Variants in DOCK3 observed in about 807,000 individuals in gnomAD.
DOCK3 encodes dedicator of cytokinesis protein 3.
In DOCK3, 60 loss-of-function variants were observed where a neutral mutation model predicts 265.6. That is an observed-to-expected ratio of 0.23 (90% CI 0.18 to 0.28). The LOEUF (loss-of-function observed/expected upper bound fraction) is 0.28. Among genes scored for constraint, DOCK3 ranks in the 10% least tolerant of loss-of-function variants. DOCK3 has a pLI of 1.00. For synonymous variants in DOCK3, 881 were observed against 938.0 expected (o/e 0.94, Z 1.11); for missense variants, 1,981 against 2,594.3 (o/e 0.76, Z 5.14).
At chr3:50,920,706 T>A (rs1429305999) in intron 4 of DOCK3, among the ~76,000 whole-genome samples, 1 of 152,180 alleles carries the variant, frequency 6.6e-6, no homozygotes, top group African/African-American at 2.4e-5. Context: ...CCAGCTCCTG[T>A]ATTTATTGAT....
intron 2 of DOCK3, among the ~76,000 whole-genome samples, chr3:50,809,948 T>G (rs1237326731): frequency 2.6e-5 from 4 of 152,084 alleles, no homozygotes; most frequent in Non-Finnish European, 5.9e-5. Context: ...GAGAACAACC[T>G]GGGTAACATA....
At chr3:50,909,640 C>T (rs1297222616) in intron 4 of DOCK3, among the ~76,000 whole-genome samples, 3 of 121,528 alleles carry the variant, frequency 2.5e-5, no homozygotes, top group South Asian at 2.6e-4. Flanking sequence ...CTACCCTTAA[C>T]GTTTTTTTTT....
At chr3:51,126,253 G>T (rs1443577103) in intron 9 of DOCK3, among the ~76,000 whole-genome samples, 1 of 152,200 alleles carries the variant, frequency 6.6e-6, no homozygotes, top group Non-Finnish European at 1.5e-5. Flanking sequence ...CTCTTGGGAA[G>T]TCGCAAAGGG....
chr3:51,381,729 TAC>T lies in DOCK3; in HGVS notation c.*172_*173del. ...TGCCGTGAACTCATGTGTTGCCATG[TAC>T]AGAGGCCACAGCAGCATGAAGGGTT... is the stretch of plus-strand genomic sequence containing the variant. On this transcript the variant is annotated 3_prime_UTR_variant, in exon 53 of 53. Transcript: ENST00000266037. The surrounding 1 kb of genome is among the most constrained non-coding windows in gnomAD (Gnocchi z 5.6). 2 of 848,624 alleles carry T rather than the reference TAC, an allele frequency of 2.4e-6. No individual in the cohort carries two copies. The highest frequency in any genetic ancestry group is 3.4e-6 in the Non-Finnish European group (2 of 584,968). The allele number at this position is 848,624 out of a possible 1,614,324, so 52.6% of individuals were successfully genotyped here.
chr3:50,986,231 G>C (rs551039410), intron 5 of DOCK3, among the ~76,000 whole-genome samples: 38 of 152,138 alleles, frequency 2.5e-4, no homozygotes, highest in Non-Finnish European at 4.3e-4. Context: ...TGGTGGAAGA[G>C]GTAGATGAAT....
At chr3:51,297,801 T>TTTAA (rs2082174909) in intron 27 of DOCK3, among the ~76,000 whole-genome samples, 1 of 151,042 alleles carries the variant, frequency 6.6e-6, no homozygotes, top group African/African-American at 2.4e-5. Flanking sequence ...ATAATTTTTT[T>TTTAA]TTAATTAGTT....
At chr3:51,086,775 G>A (rs2082442766) in intron 7 of DOCK3, among the ~76,000 whole-genome samples, 1 of 152,168 alleles carries the variant, frequency 6.6e-6, no homozygotes, top group Non-Finnish European at 1.5e-5. Context: ...TCCAGCCTGG[G>A]CGACAGAGTG....
chr3:50,706,094 G>A (rs968119943), intron 1 of DOCK3, among the ~76,000 whole-genome samples: 4 of 151,852 alleles, frequency 2.6e-5, no homozygotes, highest in Non-Finnish European at 5.9e-5. Flanking sequence ...ACCTTATGAA[G>A]AAGGCGCCTG....
chr3:51,042,949 G>A (rs943474876), intron 5 of DOCK3, among the ~76,000 whole-genome samples: 4 of 151,936 alleles, frequency 2.6e-5, no homozygotes, highest in Admixed American at 6.6e-5. Context: ...CAGAGATGAC[G>A]CAAACAAATT....
Position 51,341,399 on chromosome 3 carries a change from G to A in DOCK3, c.3915+14G>A. The A allele has an allele frequency of 1.2e-6, 2 of 1,613,038 alleles. No homozygotes were observed. Among genetic ancestry groups the A allele is most frequent in the Non-Finnish European group, 8.5e-7 (1 of 1,179,476 alleles). On this transcript the variant is annotated intron_variant, in intron 38 of 52. Coordinates refer to ENST00000266037, the MANE Select transcript of DOCK3 (RefSeq NM_004947.5). ...AACAAAGGCAAGGTATGCATCATTA[G>A]GCAAGCCCTTTAGCCCTTCAGCTTC... is the stretch of plus-strand genomic sequence containing the variant.
intron 1 of DOCK3, among the ~76,000 whole-genome samples, chr3:50,686,118 C>A (rs1264881216): frequency 6.6e-6 from 1 of 151,842 alleles, no homozygotes; most frequent in African/African-American, 2.4e-5. Flanking sequence ...ATACAACTCA[C>A]CATGATGTAG....
chr3:50,703,284 G>C (rs2036170004), intron 1 of DOCK3, among the ~76,000 whole-genome samples: 1 of 152,084 alleles, frequency 6.6e-6, no homozygotes, highest in South Asian at 2.1e-4. Context: ...TGTTTATCAA[G>C]GATGTTGGCC....
Position 51,028,940 on chromosome 3 carries a change from T to C in DOCK3, c.316-35508T>C, listed in dbSNP as rs918232005. Among the ~76,000 whole-genome samples, 3 of 152,200 alleles carry C rather than the reference T, an allele frequency of 2.0e-5. No individual in the cohort carries two copies. In the East Asian group the frequency reaches 5.8e-4, roughly 29 times the overall value. The stretch of plus-strand genomic sequence containing the variant: ...TTTTAGTCTGGTTGGCATCCATTGC[T>C]AGAGAGCTAGTGTGATCCTTTGGAG... On this transcript the variant is annotated intron_variant, in intron 5 of 52. Coordinates refer to ENST00000266037, the MANE Select transcript of DOCK3 (RefSeq NM_004947.5).
At chr3:51,213,335 C>T (rs534575041) in intron 13 of DOCK3, among the ~76,000 whole-genome samples, 48 of 152,248 alleles carry the variant, frequency 3.2e-4, no homozygotes, top group Middle Eastern at 3.4e-3. Flanking sequence ...TAATTCCATA[C>T]AGGCTTGACT....
chr3:50,879,583 G>C (rs114718003), intron 3 of DOCK3, among the ~76,000 whole-genome samples: 2,899 of 152,228 alleles, frequency 0.019, 103 homozygotes, highest in African/African-American at 0.066. Flanking sequence ...GAGCTGACCA[G>C]CCTAAATATA....
chr3:50,885,851 G>C (rs748680837), intron 3 of DOCK3, among the ~76,000 whole-genome samples: 4 of 152,062 alleles, frequency 2.6e-5, no homozygotes, highest in African/African-American at 9.7e-5. Context: ...GACCTTACTC[G>C]TGTGGGTGGG....
intron 9 of DOCK3, among the ~76,000 whole-genome samples, chr3:51,129,612 G>T (rs1210693530): frequency 6.6e-6 from 1 of 152,154 alleles, no homozygotes; most frequent in Non-Finnish European, 1.5e-5. Context: ...AGGTCGCATG[G>T]TGACTTAACC....
intron 5 of DOCK3, among the ~76,000 whole-genome samples, chr3:51,024,122 G>A (rs1440211410): frequency 6.6e-6 from 1 of 151,954 alleles, no homozygotes; most frequent in Admixed American, 6.6e-5. Context: ...TGATTCTTGG[G>A]GCTTGGTTAA....
In DOCK3 at chr3:51,270,949, C is replaced by T. The variant is rs142056283; in HGVS notation, c.2490C>T (p.Asp830=). Residue 830 remains aspartate (D), a synonymous_variant, in exon 24 of 53, where the codon GAC becomes GAT. Coordinates refer to ENST00000266037, the MANE Select transcript of DOCK3 (RefSeq NM_004947.5). ...CTGTGCACATTGGGCAGTCAATGGA[C>T]GTGGTCAAGCTGCAGTCCATTGCCA... is the stretch of plus-strand genomic sequence containing the variant. The part of the protein sequence containing the change: ...PSTVHIGQSM[D]VVKLQSIART... 2.9e-5 allele frequency: 46 copies of T among 1,613,984 alleles called. No individual in the cohort carries two copies. The highest frequency in any genetic ancestry group is 3.7e-5 in the Non-Finnish European group (44 of 1,179,896).
Sources: gnomAD v4.1 joint callset for allele counts (sites outside exome capture counted in the v4.1 genomes callset) on GRCh38, gnomAD v4.1.1 for gene constraint, Gnocchi (gnomAD v3.1) non-coding constraint, MANE v1.5 for transcripts, NCBI Gene and HGNC (gene_info 2026-07-23, HGNC 2026-07-21) for gene names.